Variants in ERCC2 observed in about 807,000 individuals in gnomAD.
The protein encoded by ERCC2 is general transcription and DNA repair factor IIH helicase subunit XPD.
Under a neutral mutation model 99.4 loss-of-function variants are expected in ERCC2, and 90 were observed. The ratio of observed to expected loss-of-function variants is 0.91; its 90% CI spans 0.76 to 1.08. The LOEUF (loss-of-function observed/expected upper bound fraction) is 1.08. ERCC2 is among the 50% of genes least tolerant of loss of function. The pLI is 0.00. For missense variants in ERCC2, 993 were observed against 1,038.1 expected (o/e 0.96, Z 0.60); for synonymous variants, 497 against 432.4 (o/e 1.15, Z -1.85).
chr19:45,358,375 A>C (rs2037365550), intron 12 of ERCC2: 1 of 192,084 alleles, frequency 5.2e-6, no homozygotes, highest in Non-Finnish European at 1.1e-5. Context: ...TGCCTCCAAA[A>C]CCTACCTGCA....
At chr19:45,361,226 T>C (rs1465759060) in intron 12 of ERCC2, among the ~76,000 whole-genome samples, 3 of 151,798 alleles carry the variant, frequency 2.0e-5, no homozygotes, top group East Asian at 1.9e-4. Context: ...GATCAACTCA[T>C]TACCGTGCCC....
chr19:45,352,423 C>A, intron 21 of ERCC2, 71 bp from the exon 22 acceptor site: 1 of 1,613,774 alleles, frequency 6.2e-7, no homozygotes, highest in Admixed American at 1.7e-5. Context: ...ACCCTGCAAC[C>A]CACCCCACCT....
In ERCC2 at chr19:45,350,786, G is replaced by C. The variant is rs1218533169; in HGVS notation, c.*843C>G. The C allele has an allele frequency of 3.2e-6, 5 of 1,562,672 alleles. No individual in the cohort carries two copies. The South Asian group carries it at 5.8e-5, about 18-fold the overall frequency. ...AGGTCGGCAAAGAGCCCTGACATCAGCAGAATCCACAGCCCACCCCACCCC... is the reference window on the plus strand; with the variant it reads ...AGGTCGGCAAAGAGCCCTGACATCACCAGAATCCACAGCCCACCCCACCCC... On this transcript the variant is annotated 3_prime_UTR_variant, in exon 23 of 23. Transcript: ENST00000391945.
chr19:45,367,900 CTTT>C (rs762407391), intron 5 of ERCC2, among the ~76,000 whole-genome samples: 1 of 134,248 alleles, frequency 7.4e-6, no homozygotes, highest in Non-Finnish European at 1.6e-5. Flanking sequence ...ATGACAATTT[CTTT>C]TTTTTTTTTT....
intron 21 of ERCC2, 55 bp downstream of exon 21, chr19:45,352,451 C>G: frequency 1.2e-6 from 2 of 1,614,036 alleles, no homozygotes; most frequent in East Asian, 2.2e-5. Flanking sequence ...GAACGGGAAA[C>G]AGCCTGGTTC....
In ERCC2 at chr19:45,365,398, C is replaced by T. The variant is rs542068053; in HGVS notation, c.361-240G>A. 5.9e-5 allele frequency among the ~76,000 whole-genome samples: 9 copies of T among 152,230 alleles called. No individual in the cohort carries two copies. The South Asian group carries it at 8.3e-4, about 14-fold the overall frequency. On this transcript the variant is annotated intron_variant, in intron 5 of 22. Coordinates refer to ENST00000391945, the MANE Select transcript of ERCC2 (RefSeq NM_000400.4). ...TTGTGAGGCTGAGGTGGGCAGATCA[C>T]GAGGTCAGGAGTTCGAGACCAGCCT...
chr19:45,365,348 G>A (rs765618517), intron 5 of ERCC2, among the ~76,000 whole-genome samples, 190 bp from the exon 6 acceptor site: 1 of 152,190 alleles, frequency 6.6e-6, no homozygotes, highest in Non-Finnish European at 1.5e-5. Context: ...TGGGCGCGGT[G>A]GCTCACGCCT....
chr19:45,355,732 G>T lies in ERCC2; in HGVS notation c.1480-4C>A. ...GGTCATTGCCACGGCCGATGATCTG[G>T]AGAGCAACAGAGGTCACGATAAGCG... On this transcript the variant is annotated splice_polypyrimidine_tract_variant and splice_region_variant and intron_variant, in intron 15 of 22. Coordinates refer to ENST00000391945, the MANE Select transcript of ERCC2 (RefSeq NM_000400.4). 6.2e-7 allele frequency: 1 copy of T among 1,613,948 alleles called. No individual in the cohort carries two copies. The highest frequency in any genetic ancestry group is 8.5e-7 in the Non-Finnish European group (1 of 1,179,920).
In ERCC2 at chr19:45,370,014, G is replaced by A. The variant is rs1308011205; in HGVS notation, c.105+119C>T. ...TGTTTTAGATAACGGAAGATTATGG[G>A]GTCCTGGATTCCCAGGGACCTCGGA... On this transcript the variant is annotated intron_variant, in intron 2 of 22. Coordinates refer to ENST00000391945, the MANE Select transcript of ERCC2 (RefSeq NM_000400.4). 9.3e-5 allele frequency: 80 copies of A among 860,786 alleles called. 1 individual carries two copies. The East Asian group carries it at 1.8e-3, about 19-fold the overall frequency. The allele number at this position is 860,786 out of a possible 1,614,324, so 53.3% of individuals were successfully genotyped here. A position where few individuals can be genotyped will look rare whatever the true frequency, so the allele number is the denominator to read the frequency against.
rs372425466 is a variant in ERCC2, at chr19:45,365,146, G to C, written c.373C>G (p.Arg125Gly). 6.2e-7 allele frequency: 1 copy of C among 1,614,016 alleles called. No individual in the cohort carries two copies. Among genetic ancestry groups the C allele is most frequent in the Admixed American group, 1.7e-5 (1 of 60,020 alleles). The change falls in exon 6 of 23, where the codon CGC becomes GGC. Residue 125 changes from arginine to glycine, a missense_variant. Transcript: ENST00000391945. The part of the protein sequence containing the change: ...LCIHPEVTPL[R>G]FGKDVDGKCH... The stretch of plus-strand genomic sequence containing the variant: ...TTCCCATCGACGTCCTTCCCAAAGC[G>C]CAGGGGTGTCACCTGGGGGTGTGGG...
rs566928519 is a variant in ERCC2 at position 45,350,160 on chromosome 19, G to A, written c.*1469C>T. The A allele has an allele frequency of 5.0e-4, 297 of 599,972 alleles. 2 individuals are homozygous for A. The highest frequency in any genetic ancestry group is 4.5e-3 in the African/African-American group (240 of 53,816). 37.2% of individuals were successfully genotyped at this position (599,972 alleles called of 1,614,324 possible). ...AGTGGGGCCAGACGTGGTGGTTCACGCTTGTAACCCCAACACTTTGGGAGG... is the reference window on the plus strand; with the variant it reads ...AGTGGGGCCAGACGTGGTGGTTCACACTTGTAACCCCAACACTTTGGGAGG... On this transcript the variant is annotated 3_prime_UTR_variant, in exon 23 of 23. Transcript: ENST00000391945.
At chr19:45,358,919 G>A (rs762547987) in intron 12 of ERCC2, 6 of 770,598 alleles carry the variant, frequency 7.8e-6, no homozygotes, top group Non-Finnish European at 1.4e-5. Context: ...TGGCCTGTTT[G>A]TTGAAGAAAT....
intron 12 of ERCC2, among the ~76,000 whole-genome samples, chr19:45,359,269 G>C (rs1015614602): frequency 2.6e-5 from 4 of 152,186 alleles, no homozygotes; most frequent in Admixed American, 2.6e-4. Flanking sequence ...ATGAGGTGTT[G>C]GCAGATGGGA....
Position 45,370,113 on chromosome 19 carries a change from C to T in ERCC2, c.105+20G>A, listed in dbSNP as rs1448014850. On this transcript the variant is annotated intron_variant, in intron 2 of 22. Transcript: ENST00000391945. ...AGCCCCACCGGTCGAGTGGGCGGGT[C>T]GGGCCCACCGGCCACCCACCTTGGC... 1 of 1,611,502 alleles carries T rather than the reference C, an allele frequency of 6.2e-7. No individual in the cohort carries two copies. Among genetic ancestry groups the T allele is most frequent in the Non-Finnish European group, 8.5e-7 (1 of 1,178,392 alleles).
chr19:45,361,443 G>T, intron 12 of ERCC2, 81 bp downstream of exon 12: 2 of 1,032,936 alleles, frequency 1.9e-6, no homozygotes, highest in Non-Finnish European at 3.1e-6. Context: ...TGTGTGTCCT[G>T]CCAACAACCC....
At chr19:45,368,071 G>A (rs1468836807) in intron 5 of ERCC2, among the ~76,000 whole-genome samples, 2 of 151,464 alleles carry the variant, frequency 1.3e-5, no homozygotes, top group South Asian at 2.1e-4. Flanking sequence ...ATGGGGTTTC[G>A]CCGTGTTGGC....
intron 2 of ERCC2, among the ~76,000 whole-genome samples, chr19:45,369,688 C>A (rs1972540457): frequency 6.6e-6 from 1 of 152,236 alleles, no homozygotes; most frequent in Admixed American, 6.5e-5. Context: ...TTTCTCCCTT[C>A]TTTTTTAAGA....
chr19:45,364,783 C>T lies in ERCC2; in HGVS notation c.594+55G>A, dbSNP rs747160592. The T allele has an allele frequency of 5.5e-5, 77 of 1,407,986 alleles. 1 individual carries two copies. Among genetic ancestry groups the T allele is most frequent in the South Asian group, 3.5e-4 (30 of 86,102 alleles). The allele number at this position is 1,407,986 out of a possible 1,614,324, so 87.2% of individuals were successfully genotyped here. On this transcript the variant is annotated intron_variant, in intron 7 of 22. Coordinates refer to ENST00000391945, the MANE Select transcript of ERCC2 (RefSeq NM_000400.4). Reference sequence around the variant, plus strand: ...CAGACATGGGCAGACAGGAGACGGGCGGGCAGCCCACACCCTCACACTCGC... The same window carrying T: ...CAGACATGGGCAGACAGGAGACGGGTGGGCAGCCCACACCCTCACACTCGC...
intron 5 of ERCC2, among the ~76,000 whole-genome samples, chr19:45,367,621 A>T (rs3916801): frequency 6.6e-6 from 1 of 150,446 alleles, no homozygotes; most frequent in East Asian, 2.0e-4. Flanking sequence ...GAGTTCGAGC[A>T]ATTCTCCTGT....
Sources: allele counts gnomAD v4.1 joint callset (sites outside exome capture counted in the v4.1 genomes callset), GRCh38; gene constraint gnomAD v4.1.1; transcripts MANE v1.5; gene names NCBI Gene and HGNC (gene_info 2026-07-23, HGNC 2026-07-21).